GTF2A1L: variants seen among roughly 807,000 people sequenced by gnomAD.
GTF2A1L encodes the protein general transcription factor IIA subunit 1 like, also known as TFIIA-alpha and beta-like factor.
A neutral mutation model predicts 49.7 loss-of-function variants in GTF2A1L; 48 were observed. The ratio of observed to expected loss-of-function variants is 0.97; its 90% CI spans 0.77 to 1.23. The LOEUF (loss-of-function observed/expected upper bound fraction) is 1.23. GTF2A1L is among the 50% of genes most tolerant of loss of function. GTF2A1L has a pLI of 0.00. For synonymous variants in GTF2A1L, 246 were observed against 193.5 expected (o/e 1.27, Z -2.25); for missense variants, 736 against 564.8 (o/e 1.30, Z -3.07).
chr2:48,664,795 T>C (rs951628834), intron 6 of GTF2A1L, among the ~76,000 whole-genome samples: 4 of 152,220 alleles, frequency 2.6e-5, no homozygotes, highest in African/African-American at 9.6e-5. Context: ...TGATAATATA[T>C]TATTTTAATG....
chr2:48,659,995 C>G (rs1678394285), intron 6 of GTF2A1L, among the ~76,000 whole-genome samples: 1 of 152,138 alleles, frequency 6.6e-6, no homozygotes, highest in Non-Finnish European at 1.5e-5. Flanking sequence ...ATCATCCTAG[C>G]TAGCACTTTT....
In GTF2A1L at chr2:48,627,932, G is replaced by C. The variant is rs1404067789; in HGVS notation, c.247+6642G>C. Among the ~76,000 whole-genome samples, 2 of 143,330 alleles carry C rather than the reference G, an allele frequency of 1.4e-5. 1 individual carries two copies. Among genetic ancestry groups the C allele is most frequent in the Admixed American group, 1.4e-4 (2 of 14,096 alleles). 94.0% of individuals were successfully genotyped at this position (143,330 alleles called of 152,430 possible). On this transcript the variant is annotated intron_variant, in intron 3 of 8. Coordinates refer to ENST00000403751, the MANE Select transcript of GTF2A1L (RefSeq NM_006872.5). The stretch of plus-strand genomic sequence containing the variant: ...TCTTGTTGGCATCTTTATGTCCATG[G>C]GTACTCAATGTTTAGCTTCTATTTG...
chr2:48,645,604 T>C (rs1360497586), intron 5 of GTF2A1L, among the ~76,000 whole-genome samples: 2 of 152,180 alleles, frequency 1.3e-5, no homozygotes, highest in African/African-American at 4.8e-5. Context: ...ACCTCTTCTT[T>C]GGGTTGTTGT....
At chr2:48,649,943 T>C (rs887591922) in intron 6 of GTF2A1L, among the ~76,000 whole-genome samples, 1 of 152,236 alleles carries the variant, frequency 6.6e-6, no homozygotes, top group African/African-American at 2.4e-5. Context: ...TGCTTTTTGT[T>C]ATCCCCTCTA....
At chr2:48,668,758 C>T (rs1008070476) in intron 6 of GTF2A1L, 1 of 152,068 alleles carries the variant, frequency 6.6e-6, no homozygotes, top group Non-Finnish European at 1.5e-5. Context: ...TGCTGTGAAC[C>T]CGGGAGGCAG....
chr2:48,648,644 A>C (rs191722031), intron 6 of GTF2A1L, among the ~76,000 whole-genome samples: 8 of 152,186 alleles, frequency 5.3e-5, no homozygotes, highest in Admixed American at 1.3e-4. Flanking sequence ...CCCTAATACC[A>C]ATCTTGTAAT....
Position 48,635,034 on chromosome 2 carries a change from A to G in GTF2A1L, c.248-7368A>G, listed in dbSNP as rs145878701. ...CTCCTTGGCCCCAAGTTCTCTGCAC[A>G]GTGATGAGGGGCAGCCTAAAATTCT... is the stretch of plus-strand genomic sequence containing the variant. On this transcript the variant is annotated intron_variant, in intron 3 of 8. Transcript: ENST00000403751. Among the ~76,000 whole-genome samples the G allele has an allele frequency of 8.8e-3, 1,333 of 152,310 alleles. 16 individuals are homozygous for G. Among genetic ancestry groups the G allele is most frequent in the African/African-American group, 0.03 (1,247 of 41,556 alleles).
At chr2:48,645,259 G>T (rs1034153809) in intron 5 of GTF2A1L, 142 bp downstream of exon 5, 2 of 812,940 alleles carry the variant, frequency 2.5e-6, no homozygotes, top group African/African-American at 3.5e-5. Context: ...AATGATAAAT[G>T]GTGGTTTTGA....
Position 48,629,260 on chromosome 2 carries a change from T to C in GTF2A1L, c.247+7970T>C, listed in dbSNP as rs112533975. ...CGTCTCAAAAAAAAAAAAAGTGACT[T>C]TATTTCCAAAGCTGGCAAGGAGGAA... is the stretch of plus-strand genomic sequence containing the variant. On this transcript the variant is annotated intron_variant, in intron 3 of 8. Transcript: ENST00000403751. Among the ~76,000 whole-genome samples, 119 of 143,464 alleles carry C rather than the reference T, an allele frequency of 8.3e-4. 14 individuals carry two copies. The highest frequency in any genetic ancestry group is 2.9e-3 in the African/African-American group (117 of 40,468). The allele number at this position is 143,464 out of a possible 152,430, so 94.1% of individuals were successfully genotyped here. A position where few individuals can be genotyped will look rare whatever the true frequency, so the allele number is the denominator to read the frequency against.
intron 4 of GTF2A1L, 139 bp from the exon 5 acceptor site, chr2:48,644,894 A>T (rs1002365007): frequency 2.7e-5 from 18 of 663,244 alleles, no homozygotes; most frequent in Non-Finnish European, 4.1e-5. Context: ...TATTCAAAGA[A>T]CTCAGCCCTA....
chr2:48,633,535 A>T (rs1449969073), intron 3 of GTF2A1L, among the ~76,000 whole-genome samples: 1 of 152,066 alleles, frequency 6.6e-6, no homozygotes, highest in Non-Finnish European at 1.5e-5. Context: ...TTTTGAACTT[A>T]TTGAGATTTG....
In GTF2A1L at chr2:48,669,891, T is replaced by C. The variant is rs751161539; in HGVS notation, c.1148T>C (p.Val383Ala). The change falls in exon 7 of 9, where the codon GTA becomes GCA. Residue 383 changes from valine to alanine, a missense_variant. By Grantham distance (64) the Val-to-Ala change is moderately conservative. Coordinates refer to ENST00000403751, the MANE Select transcript of GTF2A1L (RefSeq NM_006872.5). ...LGNIDGGDLK[V>A]PEEEADSISN... ...AATATTGACGGGGGAGATCTGAAGG[T>C]ACCTGAAGAAGAAGCTGACAGTATT... 4.3e-6 allele frequency: 7 copies of C among 1,613,894 alleles called. No homozygotes were observed. Among genetic ancestry groups the C allele is most frequent in the Non-Finnish European group, 3.4e-6 (4 of 1,179,990 alleles).
chr2:48,658,309 C>A (rs1019625018), intron 6 of GTF2A1L, among the ~76,000 whole-genome samples: 1 of 152,130 alleles, frequency 6.6e-6, no homozygotes, highest in African/African-American at 2.4e-5. Flanking sequence ...CAGTTTCATT[C>A]TTCTGCATAT....
intron 6 of GTF2A1L, among the ~76,000 whole-genome samples, chr2:48,667,030 C>T (rs1678883585): frequency 6.6e-6 from 1 of 151,996 alleles, no homozygotes; most frequent in Admixed American, 6.6e-5. Flanking sequence ...GTGGTGCAAT[C>T]ACAGCTCACT....
At chr2:48,668,067 C>A (rs1222242248) in intron 6 of GTF2A1L, among the ~76,000 whole-genome samples, 3 of 152,158 alleles carry the variant, frequency 2.0e-5, no homozygotes, top group Non-Finnish European at 4.4e-5. Context: ...CTCTTCATAG[C>A]CCCTGGTAAC....
At chr2:48,623,649 A>T (rs923726505) in intron 3 of GTF2A1L, among the ~76,000 whole-genome samples, 1 of 152,228 alleles carries the variant, frequency 6.6e-6, no homozygotes, top group Non-Finnish European at 1.5e-5. Context: ...ATTAGCAAAG[A>T]CATGGAATCA....
intron 6 of GTF2A1L, among the ~76,000 whole-genome samples, chr2:48,662,557 C>G (rs1445753339): frequency 6.6e-6 from 1 of 151,866 alleles, no homozygotes; most frequent in East Asian, 1.9e-4. Context: ...AGGAACTACT[C>G]TAGCTGGGTT....
Position 48,629,152 on chromosome 2 carries a change from A to G in GTF2A1L, c.247+7862A>G, listed in dbSNP as rs1022992118. On this transcript the variant is annotated intron_variant, in intron 3 of 8. Transcript: ENST00000403751. ...GCTGCTCAGGAGGCTGAGGCAGGAG[A>G]ATTGCTTGAACCTAGGAGGCAGAGG... Among the ~76,000 whole-genome samples, 15 of 142,742 alleles carry G rather than the reference A, an allele frequency of 1.1e-4. 3 individuals carry two copies. Among genetic ancestry groups the G allele is most frequent in the Admixed American group, 8.5e-4 (12 of 14,102 alleles). The allele number at this position is 142,742 out of a possible 152,430, so 93.6% of individuals were successfully genotyped here. A position where few individuals can be genotyped will look rare whatever the true frequency, so the allele number is the denominator to read the frequency against.
chr2:48,651,779 T>A (rs975301806), intron 6 of GTF2A1L, among the ~76,000 whole-genome samples: 2 of 152,216 alleles, frequency 1.3e-5, no homozygotes, highest in Non-Finnish European at 2.9e-5. Context: ...CAAAGGACAA[T>A]GCTTGAAGCC....
Sources: gnomAD v4.1 joint callset for allele counts (sites outside exome capture counted in the v4.1 genomes callset) on GRCh38, gnomAD v4.1.1 for gene constraint, MANE v1.5 for transcripts, NCBI Gene and HGNC (gene_info 2026-07-23, HGNC 2026-07-21) for gene names.